RCAN2: variants seen among roughly 807,000 people sequenced by gnomAD.
RCAN2 encodes the protein calcipressin-2.
A neutral mutation model predicts 23.6 loss-of-function variants in RCAN2; 9 were observed. That is an observed-to-expected ratio of 0.38 (90% CI 0.23 to 0.67). RCAN2 has a LOEUF of 0.67. RCAN2 is among the 30% of genes least tolerant of loss of function. RCAN2 has a pLI of 0.51. For synonymous variants in RCAN2, 109 were observed against 115.7 expected (o/e 0.94, Z 0.37); for missense variants, 273 against 302.3 (o/e 0.90, Z 0.72).
At chr6:46,377,326 CTACTT>C (rs1262256195) in intron 2 of RCAN2, among the ~76,000 whole-genome samples, 1 of 152,212 alleles carries the variant, frequency 6.6e-6, no homozygotes, top group Non-Finnish European at 1.5e-5. Flanking sequence ...CTAGCAGAAA[CTACTT>C]TAACTTGGAA....
intron 1 of RCAN2, among the ~76,000 whole-genome samples, chr6:46,483,364 G>GAT (rs1224384148): frequency 6.6e-6 from 1 of 152,160 alleles, no homozygotes; most frequent in Non-Finnish European, 1.5e-5. Flanking sequence ...TAGGGGCTAT[G>GAT]ATAGCCCTCT....
At position 46,247,037 on chromosome 6, in the gene RCAN2, C is replaced by A. The variant is rs761188040; in HGVS notation, c.400-118G>T. 7 of 784,738 alleles carry A rather than the reference C, an allele frequency of 8.9e-6. No homozygotes were observed. The East Asian group carries it at 2.0e-4, about 22-fold the overall frequency. The allele number at this position is 784,738 out of a possible 1,614,324, so 48.6% of individuals were successfully genotyped here. A position where few individuals can be genotyped will look rare whatever the true frequency, so the allele number is the denominator to read the frequency against. ...CGACAAATGAACCGATGAACCCGAC[C>A]GTAATAATAATTACCACTTACCACA... On this transcript the variant is annotated intron_variant, in intron 3 of 4. Coordinates refer to ENST00000371374, the MANE Select transcript of RCAN2 (RefSeq NM_001251974.2).
chr6:46,393,948 G>A (rs544408277), intron 2 of RCAN2, among the ~76,000 whole-genome samples: 4 of 152,068 alleles, frequency 2.6e-5, no homozygotes, highest in African/African-American at 4.8e-5. Context: ...AATCCGGCTC[G>A]GTTTCTTTAC....
intron 2 of RCAN2, among the ~76,000 whole-genome samples, chr6:46,336,010 C>G (rs553434201): frequency 6.6e-6 from 1 of 152,146 alleles, no homozygotes; most frequent in African/African-American, 2.4e-5. Flanking sequence ...AAATTATATC[C>G]AAATGCCTTG....
At chr6:46,292,101 A>G (rs1762580450) in intron 2 of RCAN2, among the ~76,000 whole-genome samples, 1 of 152,170 alleles carries the variant, frequency 6.6e-6, no homozygotes, top group Non-Finnish European at 1.5e-5. Flanking sequence ...ACTAAATTGT[A>G]ATTAGTCAGT....
At chr6:46,260,594 T>G (rs1411875779) in intron 2 of RCAN2, among the ~76,000 whole-genome samples, 1 of 152,202 alleles carries the variant, frequency 6.6e-6, no homozygotes, top group Non-Finnish European at 1.5e-5. Flanking sequence ...CTTGTTGTTC[T>G]GACTCCATGC....
At position 46,354,769 on chromosome 6, in the gene RCAN2, A is replaced by G. The variant is rs551851436; in HGVS notation, c.225+101983T>C. Among the ~76,000 whole-genome samples the G allele has an allele frequency of 2.6e-5, 4 of 152,362 alleles. No homozygotes were observed. In the South Asian group the frequency reaches 8.3e-4, roughly 32 times the overall value. On this transcript the variant is annotated intron_variant, in intron 2 of 4. Coordinates refer to ENST00000371374, the MANE Select transcript of RCAN2 (RefSeq NM_001251974.2). The stretch of plus-strand genomic sequence containing the variant: ...GCACCCAATGTTTAAATGTTTTACA[A>G]TCTTCTCACAGATGGCTTGCCATGT...
chr6:46,277,330 C>T (rs1201744085), intron 2 of RCAN2, among the ~76,000 whole-genome samples: 4 of 152,108 alleles, frequency 2.6e-5, no homozygotes, highest in Non-Finnish European at 5.9e-5. Context: ...ATTATTTTCT[C>T]ATAGGAGGAG....
At chr6:46,231,737 T>G (rs1486194982) in intron 4 of RCAN2, among the ~76,000 whole-genome samples, 1 of 152,118 alleles carries the variant, frequency 6.6e-6, no homozygotes, top group Non-Finnish European at 1.5e-5. Context: ...ATGGCAACCC[T>G]AGCAAACGAA....
intron 2 of RCAN2, among the ~76,000 whole-genome samples, chr6:46,261,621 T>C (rs1767111148): frequency 6.6e-6 from 1 of 152,152 alleles, no homozygotes. Flanking sequence ...TCTACATCTA[T>C]CTATATATTT....
chr6:46,395,410 C>T (rs1247424124), intron 2 of RCAN2, among the ~76,000 whole-genome samples: 5 of 152,236 alleles, frequency 3.3e-5, no homozygotes, highest in Non-Finnish European at 5.9e-5. Context: ...CAACAAAGGA[C>T]GAACAACCCA....
intron 2 of RCAN2, among the ~76,000 whole-genome samples, chr6:46,363,130 ACT>A (rs1276114521): frequency 6.6e-6 from 1 of 152,188 alleles, no homozygotes; most frequent in Admixed American, 6.5e-5. Flanking sequence ...TAAGTAGGAA[ACT>A]CAAACTGCTG....
At chr6:46,234,947 C>T (rs928831898) in intron 4 of RCAN2, among the ~76,000 whole-genome samples, 1 of 152,094 alleles carries the variant, frequency 6.6e-6, no homozygotes, top group Non-Finnish European at 1.5e-5. Flanking sequence ...CCTGTGCTGA[C>T]TAGGGGCTGG....
At chr6:46,432,614 A>C (rs1767246081) in intron 2 of RCAN2, among the ~76,000 whole-genome samples, 1 of 152,194 alleles carries the variant, frequency 6.6e-6, no homozygotes, top group Non-Finnish European at 1.5e-5. Context: ...AACATGAAAC[A>C]TGAAAATCAC....
intron 2 of RCAN2, among the ~76,000 whole-genome samples, chr6:46,272,234 TC>T (rs528565599): frequency 3.9e-4 from 60 of 152,330 alleles, no homozygotes; most frequent in Admixed American, 1.1e-3. Context: ...AATATTATTA[TC>T]TTAATGATCA....
intron 2 of RCAN2, among the ~76,000 whole-genome samples, chr6:46,389,144 A>G (rs1765855851): frequency 1.3e-5 from 2 of 152,148 alleles, no homozygotes; most frequent in African/African-American, 2.4e-5. Flanking sequence ...AGAAAAAAAA[A>G]TAGTTTCAGA....
intron 2 of RCAN2, among the ~76,000 whole-genome samples, chr6:46,382,702 A>C (rs952537565): frequency 1.3e-5 from 2 of 152,224 alleles, no homozygotes; most frequent in African/African-American, 2.4e-5. Flanking sequence ...AAGAATAATA[A>C]GATTACACAG....
At position 46,222,032 on chromosome 6, in the gene RCAN2, C is replaced by G. The variant is rs996170331; in HGVS notation, c.*1109G>C. ...GCATTCTGGGGATTTAGCTTCATCC[C>G]AATAATCTACAACTGACACTTGCAT... On this transcript the variant is annotated 3_prime_UTR_variant, in exon 5 of 5. Coordinates refer to ENST00000371374, the MANE Select transcript of RCAN2 (RefSeq NM_001251974.2). 5.3e-5 allele frequency: 21 copies of G among 398,310 alleles called. No individual in the cohort carries two copies. Among genetic ancestry groups the G allele is most frequent in the Non-Finnish European group, 6.6e-5 (15 of 225,938 alleles). The allele number at this position is 398,310 out of a possible 1,614,324, so 24.7% of individuals were successfully genotyped here.
intron 4 of RCAN2, among the ~76,000 whole-genome samples, chr6:46,230,479 A>G (rs926847792): frequency 6.6e-6 from 1 of 152,108 alleles, no homozygotes; most frequent in Non-Finnish European, 1.5e-5. Context: ...GCAATGGTGG[A>G]TGCCCCTCCT....
Sources: allele counts gnomAD v4.1 joint callset (sites outside exome capture counted in the v4.1 genomes callset), GRCh38; gene constraint gnomAD v4.1.1; transcripts MANE v1.5; gene names NCBI Gene and HGNC (gene_info 2026-07-23, HGNC 2026-07-21).